CCSER1: variants seen among roughly 807,000 people sequenced by gnomAD.
The protein encoded by CCSER1 is coiled-coil serine rich protein 1, also known as serine-rich coiled-coil domain-containing protein 1.
In CCSER1, 41 loss-of-function variants were observed where a neutral mutation model predicts 82.0. The observed-to-expected ratio is 0.50, with a 90% CI of 0.39 to 0.65. CCSER1 has a LOEUF of 0.65. Ranked by LOEUF, CCSER1 falls within the 30% of genes least tolerant of loss-of-function variation. The pLI, the probability that CCSER1 is intolerant of heterozygous loss-of-function variation, is 0.00. For synonymous variants in CCSER1, 414 were observed against 383.9 expected, an observed-to-expected ratio of 1.08 and a Z score of -0.92; for missense variants, 1,119 against 1,064.2, an observed-to-expected ratio of 1.05 and a Z score of -0.72.
intron 4 of CCSER1, among the ~76,000 whole-genome samples, chr4:90,401,294 C>T (rs930260363): frequency 1.3e-5 from 2 of 152,238 alleles, no homozygotes; most frequent in South Asian, 2.1e-4. Flanking sequence ...GTTTTTACAA[C>T]TTAGATCCAA....
intron 7 of CCSER1, among the ~76,000 whole-genome samples, chr4:90,815,258 A>G (rs1026065492): frequency 1.3e-5 from 2 of 151,666 alleles, no homozygotes; most frequent in African/African-American, 4.8e-5. Context: ...GGGAGAAACC[A>G]CCCCCATGAT....
chr4:90,164,068 T>C (rs576776449), intron 1 of CCSER1, among the ~76,000 whole-genome samples: 1 of 152,254 alleles, frequency 6.6e-6, no homozygotes, highest in African/African-American at 2.4e-5. Context: ...ACAAGCACTT[T>C]AGGATGTTGT....
chr4:91,190,314 G>A (rs1227147596), intron 10 of CCSER1, among the ~76,000 whole-genome samples: 3 of 152,124 alleles, frequency 2.0e-5, no homozygotes, highest in Non-Finnish European at 4.4e-5. Flanking sequence ...AGAGAATCTA[G>A]CAGCATCTTA....
intron 4 of CCSER1, among the ~76,000 whole-genome samples, chr4:90,459,678 C>CGTACT (rs1303516716): frequency 6.5e-4 from 99 of 152,088 alleles, no homozygotes; most frequent in African/African-American, 2.3e-3. Context: ...GGGCACCAGT[C>CGTACT]GTACTGGATT....
At chr4:90,958,438 G>A (rs1424887728) in intron 9 of CCSER1, among the ~76,000 whole-genome samples, 1 of 152,050 alleles carries the variant, frequency 6.6e-6, no homozygotes, top group African/African-American at 2.4e-5. Flanking sequence ...CTTGGGTAAG[G>A]TTTCCTCTCT....
chr4:90,181,032 G>A (rs1733644146), intron 1 of CCSER1, among the ~76,000 whole-genome samples: 1 of 151,992 alleles, frequency 6.6e-6, no homozygotes, highest in Admixed American at 6.6e-5. Flanking sequence ...ATGTGTTGTT[G>A]TGAAGGTCAA....
chr4:91,537,113 G>A (rs940121846), intron 10 of CCSER1, among the ~76,000 whole-genome samples: 3 of 152,032 alleles, frequency 2.0e-5, no homozygotes, highest in African/African-American at 7.2e-5. Context: ...TTTATTAGCG[G>A]TCAGGCATTA....
intron 9 of CCSER1, among the ~76,000 whole-genome samples, chr4:90,960,398 A>G (rs72665459): frequency 0.28 from 42,333 of 151,940 alleles, 7,138 homozygotes; most frequent in East Asian, 0.39. Context: ...CTCCTCACCT[A>G]TGTTCTGGTA....
intron 10 of CCSER1, among the ~76,000 whole-genome samples, chr4:91,247,252 A>C (rs1739868154): frequency 1.3e-5 from 2 of 150,818 alleles, no homozygotes; most frequent in Non-Finnish European, 1.5e-5. Context: ...CAGTGAGCCG[A>C]GATTGTGCCA....
At chr4:91,203,448 A>G (rs780791577) in intron 10 of CCSER1, among the ~76,000 whole-genome samples, 1 of 151,932 alleles carries the variant, frequency 6.6e-6, no homozygotes, top group East Asian at 1.9e-4. Context: ...GTATTGGACT[A>G]TAGCAAGAAA....
intron 10 of CCSER1, among the ~76,000 whole-genome samples, chr4:91,146,780 G>T (rs1729586986): frequency 6.6e-6 from 1 of 152,096 alleles, no homozygotes; most frequent in Admixed American, 6.5e-5. Flanking sequence ...GTAGGTGAAG[G>T]AATTTATTTT....
Position 91,368,122 on chromosome 4 carries a change from AT to A in CCSER1, c.2218-230440del, listed in dbSNP as rs555410766. On this transcript the variant is annotated intron_variant, in intron 10 of 10. Coordinates refer to ENST00000509176, the MANE Select transcript of CCSER1 (RefSeq NM_001145065.2). ...AATAATTTCTTAGCTTGCATGAAGTATTTTTTTTTTATTTCTGCATTTCCCT... is the reference window on the plus strand; with the variant it reads ...AATAATTTCTTAGCTTGCATGAAGTATTTTTTTTTATTTCTGCATTTCCCT... 2.5e-3 allele frequency among the ~76,000 whole-genome samples: 371 copies of A among 149,744 alleles called. 3 individuals carry two copies. The highest frequency in any genetic ancestry group is 8.2e-3 in the African/African-American group (337 of 40,910).
At chr4:91,241,451 G>T (rs1335484161) in intron 10 of CCSER1, among the ~76,000 whole-genome samples, 1 of 142,798 alleles carries the variant, frequency 7.0e-6, no homozygotes, top group Non-Finnish European at 1.5e-5. Context: ...TCAGCCTCCC[G>T]AGTAGCTGGG....
rs1175690764 is a variant in CCSER1 at position 91,296,483 on chromosome 4, A to ATATATATATATTTATT, written c.2217+210492_2217+210493insATATATATTTATTTAT. Among the ~76,000 whole-genome samples the ATATATATATATTTATT allele has an allele frequency of 8.9e-3, 1,104 of 123,600 alleles. 64 individuals are homozygous for ATATATATATATTTATT. The highest frequency in any genetic ancestry group is 0.02 in the African/African-American group (572 of 28,984). 81.1% of individuals were successfully genotyped at this position (123,600 alleles called of 152,430 possible). ...TATATATATGTATATATATATATAT[A>ATATATATATATTTATT]TATTTTAATTAAATATACAGTTATC... On this transcript the variant is annotated intron_variant, in intron 10 of 10. Transcript: ENST00000509176.
chr4:90,238,913 T>C (rs1233340318), intron 1 of CCSER1, among the ~76,000 whole-genome samples: 2 of 152,076 alleles, frequency 1.3e-5, no homozygotes, highest in Non-Finnish European at 2.9e-5. Flanking sequence ...TGCAATGGCA[T>C]GATCTCGGCT....
chr4:91,267,522 T>C (rs1396530906), intron 10 of CCSER1, among the ~76,000 whole-genome samples: 1 of 152,168 alleles, frequency 6.6e-6, no homozygotes, highest in Non-Finnish European at 1.5e-5. Flanking sequence ...TTTCTATTGA[T>C]AATAAATGAA....
intron 10 of CCSER1, among the ~76,000 whole-genome samples, chr4:91,219,431 G>A (rs1202372647): frequency 6.8e-6 from 1 of 147,752 alleles, no homozygotes; most frequent in East Asian, 2.1e-4. Flanking sequence ...TCCTGCCTCA[G>A]CCTCTCAAAT....
At chr4:90,846,234 G>A (rs1763222020) in intron 8 of CCSER1, among the ~76,000 whole-genome samples, 1 of 152,150 alleles carries the variant, frequency 6.6e-6, no homozygotes. Context: ...GTGTGTTTAT[G>A]TATAGAAATC....
Position 91,385,643 on chromosome 4 carries a change from G to GA in CCSER1, c.2218-212919dup, listed in dbSNP as rs578153925. Among the ~76,000 whole-genome samples, 605 of 146,300 alleles carry GA rather than the reference G, an allele frequency of 4.1e-3. 2 individuals are homozygous for GA. The highest frequency in any genetic ancestry group is 0.014 in the African/African-American group (561 of 40,222). ...AAACTGAAAGGGGACATAGAAAAAG[G>GA]AAAAAAAAAAGCTTAATTTTTGTGA... On this transcript the variant is annotated intron_variant, in intron 10 of 10. Transcript: ENST00000509176.
Sources: gnomAD v4.1 joint callset for allele counts (sites outside exome capture counted in the v4.1 genomes callset) on GRCh38, gnomAD v4.1.1 for gene constraint, MANE v1.5 for transcripts, NCBI Gene and HGNC (gene_info 2026-07-23, HGNC 2026-07-21) for gene names.